Variants in MTCL1 observed in about 807,000 individuals in gnomAD.
MTCL1 encodes the protein microtubule crosslinking factor 1, also known as microtubule cross-linking factor 1.
In MTCL1, 79 loss-of-function variants were observed where a neutral mutation model predicts 141.4. The ratio of observed to expected loss-of-function variants is 0.56; its 90% confidence interval spans 0.47 to 0.67. MTCL1 has a LOEUF of 0.67. Ranked by LOEUF, MTCL1 falls within the 30% of genes least tolerant of loss-of-function variation. The probability of loss-of-function intolerance (pLI) is 0.00; values close to 1 mark genes in which losing one functional copy is unlikely to be tolerated. For synonymous variants in MTCL1, 914 were observed against 875.8 expected (o/e 1.04, Z -0.77); for missense variants, 2,177 against 2,113.9 (o/e 1.03, Z -0.59).
At chr18:8,797,924 G>C (rs769173520) in intron 9 of MTCL1, among the ~76,000 whole-genome samples, 173 bp from the exon 9 acceptor site, 10 of 152,216 alleles carry the variant, frequency 6.6e-5, no homozygotes, top group Non-Finnish European at 1.0e-4. Context: ...GTCTTTAAAT[G>C]CAGCAAGTGC....
At chr18:8,736,924 G>C (rs1251218900) in intron 4 of MTCL1, among the ~76,000 whole-genome samples, 1 of 152,184 alleles carries the variant, frequency 6.6e-6, no homozygotes, top group Non-Finnish European at 1.5e-5. Flanking sequence ...ACAGGCGTGA[G>C]CCACTGCACC....
At chr18:8,782,581 C>T (rs2096536335) in intron 5 of MTCL1, 1 of 152,236 alleles carries the variant, frequency 6.6e-6, no homozygotes, top group African/African-American at 2.4e-5. Context: ...TTTGAGGATC[C>T]TCCAGAACCC....
chr18:8,770,141 C>T (rs986362044), intron 4 of MTCL1, among the ~76,000 whole-genome samples: 4 of 152,308 alleles, frequency 2.6e-5, no homozygotes, highest in Admixed American at 2.6e-4. Flanking sequence ...AGGGCTGTGA[C>T]CTTGAATGTA....
At chr18:8,784,955 AC>A in intron 6 of MTCL1, 112 bp downstream of exon 5, 1 of 998,722 alleles carries the variant, frequency 1.0e-6, no homozygotes, top group Non-Finnish European at 1.4e-6. Flanking sequence ...ATGATTTCAA[AC>A]CTGCATTGTA....
intron 4 of MTCL1, among the ~76,000 whole-genome samples, chr18:8,743,851 C>G (rs1456960107): frequency 2.0e-5 from 3 of 152,182 alleles, no homozygotes; most frequent in African/African-American, 7.2e-5. Flanking sequence ...TTCTGTGGAT[C>G]AAGGACGTGG....
chr18:8,724,018 G>C (rs955611309), intron 4 of MTCL1, among the ~76,000 whole-genome samples: 3 of 152,308 alleles, frequency 2.0e-5, no homozygotes, highest in Non-Finnish European at 4.4e-5. Flanking sequence ...ACTGCTTAAT[G>C]GGTAGGCGGT....
At chr18:8,718,935 ACT>A (rs1410614288) in intron 3 of MTCL1, among the ~76,000 whole-genome samples, 1 of 149,924 alleles carries the variant, frequency 6.7e-6, no homozygotes, top group Admixed American at 6.6e-5. Context: ...TTCTGCAGAA[ACT>A]CTGAAAGATC....
At chr18:8,720,642 C>T (rs2096164516) in intron 4 of MTCL1, 146 bp downstream of exon 3, 7 of 769,096 alleles carry the variant, frequency 9.1e-6, no homozygotes, top group Non-Finnish European at 1.4e-5. Context: ...ATTGTTTTTA[C>T]ATTTTTTTCC....
intron 4 of MTCL1, among the ~76,000 whole-genome samples, chr18:8,733,757 T>C (rs1429207071): frequency 6.6e-6 from 1 of 152,150 alleles, no homozygotes. Context: ...CTGAGGAGGC[T>C]ACAGGAGCGT....
intron 12 of MTCL1, among the ~76,000 whole-genome samples, chr18:8,814,789 A>G (rs189152842): frequency 6.6e-6 from 1 of 152,308 alleles, no homozygotes; most frequent in East Asian, 1.9e-4. Context: ...CCTGTTAGCC[A>G]TGGTGGCTTG....
chr18:8,728,716 C>CATT (rs1280086300), intron 4 of MTCL1, among the ~76,000 whole-genome samples: 2 of 113,836 alleles, frequency 1.8e-5, no homozygotes, highest in African/African-American at 7.1e-5. Context: ...TTATGTTGTC[C>CATT]ATTCTTTTTT....
chr18:8,816,364 C>T (rs1346387433), intron 12 of MTCL1, among the ~76,000 whole-genome samples: 1 of 152,230 alleles, frequency 6.6e-6, no homozygotes, highest in African/African-American at 2.4e-5. Flanking sequence ...ATGCTTCATA[C>T]TTGTCCGCTG....
intron 5 of MTCL1, chr18:8,782,476 C>T (rs1204237486): frequency 1.3e-5 from 2 of 152,088 alleles, no homozygotes; most frequent in Non-Finnish European, 2.9e-5. Context: ...ACAAGGAGAC[C>T]AGCCCTGCAA....
intron 4 of MTCL1, among the ~76,000 whole-genome samples, chr18:8,776,671 G>A (rs542191714): frequency 5.3e-5 from 8 of 152,198 alleles, no homozygotes; most frequent in African/African-American, 9.6e-5. Flanking sequence ...AACAAGGGCC[G>A]CCCTTCTCTT....
intron 16 of MTCL1, chr18:8,831,166 C>T: frequency 3.0e-6 from 3 of 990,898 alleles, no homozygotes; most frequent in Non-Finnish European, 3.6e-6. Context: ...TCTTTGTGGG[C>T]TCCCAGTAGA....
At position 8,723,935 on chromosome 18, in the gene MTCL1, G is replaced by A. The variant is rs2096190334; in HGVS notation, c.357+3439G>A. On this transcript the variant is annotated intron_variant, in intron 4 of 16. Coordinates refer to ENST00000359865, the Ensembl canonical transcript of MTCL1. ...ATTCCATTGATAAGAAATATCCAGA[G>A]TAGATAAATTCATATAGACGGAAAA... is the stretch of plus-strand genomic sequence containing the variant. 2.7e-5 allele frequency among the ~76,000 whole-genome samples: 4 copies of A among 147,602 alleles called. No individual in the cohort carries two copies. The South Asian group carries it at 8.6e-4, about 32-fold the overall frequency.
At chr18:8,755,569 T>A (rs540841510) in intron 4 of MTCL1, among the ~76,000 whole-genome samples, 53 of 152,300 alleles carry the variant, frequency 3.5e-4, no homozygotes, top group African/African-American at 1.3e-3. Context: ...AAAACCTTCC[T>A]GAGGCCATGC....
chr18:8,808,297 TA>T (rs1006014641), intron 11 of MTCL1, among the ~76,000 whole-genome samples: 5 of 146,576 alleles, frequency 3.4e-5, no homozygotes, highest in African/African-American at 1.3e-4. Context: ...TTAACCCTAT[TA>T]AAAAAAATAT....
intron 11 of MTCL1, among the ~76,000 whole-genome samples, chr18:8,808,964 T>G (rs921363116): frequency 4.0e-5 from 6 of 151,688 alleles, no homozygotes; most frequent in African/African-American, 9.7e-5. Flanking sequence ...AAAGTGAAAG[T>G]CCTGCTGAGA....
Sources: gnomAD v4.1 joint callset for allele counts (sites outside exome capture counted in the v4.1 genomes callset) on GRCh38, gnomAD v4.1.1 for gene constraint, MANE v1.5 for transcripts, NCBI Gene and HGNC (gene_info 2026-07-23, HGNC 2026-07-21) for gene names.